The following PRKX variants were observed in gnomAD, a reference collection of about 807,000 sequenced individuals.
PRKX encodes cAMP-dependent protein kinase catalytic subunit PRKX.
A neutral mutation model predicts 22.0 loss-of-function variants in PRKX; 12 were observed. The ratio of observed to expected loss-of-function variants is 0.54; its 90% CI spans 0.35 to 0.88. The LOEUF (loss-of-function observed/expected upper bound fraction) is 0.88, where lower values mean the gene tolerates loss of function less well. PRKX is among the 40% of genes least tolerant of loss of function. The pLI, the probability that PRKX is intolerant of heterozygous loss-of-function variation, is 0.01. For missense variants in PRKX, 217 were observed against 308.0 expected (o/e 0.70, Z 2.21); for synonymous variants, 134 against 137.7 (o/e 0.97, Z 0.19).
At chrX:3,616,376 G>A (rs1926420728) in intron 6 of PRKX, among the ~76,000 whole-genome samples, 2 of 111,241 alleles carry the variant, frequency 1.8e-5, no homozygotes, top group African/African-American at 6.6e-5. Flanking sequence ...CCTTAGGAAC[G>A]ACATTGCACG....
rs1444519737 is a variant in PRKX at position 3,692,319 on chromosome X, A to T, written c.167-17553T>A. ...ATCAGCATCCACCCCCAGTAGTGAC[A>T]ACCACAACTGTCCCCAGACACTGTC... On this transcript the variant is annotated intron_variant, in intron 1 of 8. Transcript: ENST00000262848. Among the ~76,000 whole-genome samples the T allele has an allele frequency of 2.7e-5, 3 of 110,096 alleles. No individual in the cohort carries two copies. The East Asian group carries it at 8.7e-4, about 32-fold the overall frequency.
intron 1 of PRKX, among the ~76,000 whole-genome samples, chrX:3,675,032 T>C (rs1306414463): frequency 6.3e-5 from 7 of 111,794 alleles, no homozygotes; most frequent in East Asian, 2.8e-4. Context: ...CTCTGAATGG[T>C]TCCTCAATTT....
intron 4 of PRKX, among the ~76,000 whole-genome samples, chrX:3,638,564 C>G (rs1413405635): frequency 9.0e-6 from 1 of 111,494 alleles, no homozygotes; most frequent in African/African-American, 3.3e-5. Context: ...TTGGGTTTGC[C>G]TAGGACATAA....
intron 1 of PRKX, among the ~76,000 whole-genome samples, chrX:3,692,826 C>T (rs770039282): frequency 2.7e-5 from 3 of 111,471 alleles, no homozygotes; most frequent in South Asian, 3.8e-4. Flanking sequence ...GGCGCCAGGT[C>T]GTAAGCAACT....
intron 2 of PRKX, among the ~76,000 whole-genome samples, chrX:3,661,596 G>GA (rs11408481): frequency 0.37 from 35,716 of 97,451 alleles, 5,361 homozygotes; most frequent in Middle Eastern, 0.5. Context: ...ACCCTATCTG[G>GA]AAAAAAAAAA....
chrX:3,704,697 C>A (rs951007124), intron 1 of PRKX, among the ~76,000 whole-genome samples: 63 of 111,373 alleles, frequency 5.7e-4, no homozygotes, highest in African/African-American at 2.0e-3. Context: ...GTATTTGTCT[C>A]TCTGTGCCTG....
At chrX:3,704,407 G>C (rs1338449422) in intron 1 of PRKX, among the ~76,000 whole-genome samples, 1 of 112,056 alleles carries the variant, frequency 8.9e-6, no homozygotes, top group African/African-American at 3.2e-5. Context: ...GCTCACGCCT[G>C]TAATCCCAGC....
intron 1 of PRKX, among the ~76,000 whole-genome samples, chrX:3,710,258 C>T (rs1186120415): frequency 9.8e-5 from 11 of 111,852 alleles, no homozygotes; most frequent in African/African-American, 1.3e-4. Context: ...TTAGACCAGA[C>T]GTACTCCAGA....
chrX:3,674,314 C>T (rs1017734847), intron 2 of PRKX, among the ~76,000 whole-genome samples: 9 of 111,620 alleles, frequency 8.1e-5, no homozygotes, highest in Admixed American at 2.9e-4. Flanking sequence ...CATCCTTTTC[C>T]GGGCAGAGAT....
intron 3 of PRKX, among the ~76,000 whole-genome samples, chrX:3,652,319 G>A (rs943406673): frequency 2.7e-5 from 3 of 110,434 alleles, no homozygotes; most frequent in African/African-American, 6.6e-5. Flanking sequence ...TTGGGGGGCT[G>A]AGGCAGGAGA....
At chrX:3,634,785 G>A (rs771202280) in intron 4 of PRKX, among the ~76,000 whole-genome samples, 3 of 111,988 alleles carry the variant, frequency 2.7e-5, no homozygotes, top group Middle Eastern at 4.2e-3. Flanking sequence ...TGACCTCCCA[G>A]CCTCAGTGAT....
At chrX:3,653,747 A>T (rs6641597) in intron 3 of PRKX, among the ~76,000 whole-genome samples, 21 of 59,549 alleles carry the variant, frequency 3.5e-4, no homozygotes, top group South Asian at 9.6e-4. Flanking sequence ...TAATATATAT[A>T]ATATACTATG....
intron 4 of PRKX, among the ~76,000 whole-genome samples, chrX:3,630,770 G>C (rs1926764663): frequency 9.0e-6 from 1 of 110,881 alleles, no homozygotes; most frequent in South Asian, 3.9e-4. Flanking sequence ...ACTGTACTAG[G>C]GCAATGTTGC....
chrX:3,708,512 C>T (rs935539388), intron 1 of PRKX, among the ~76,000 whole-genome samples: 3 of 109,938 alleles, frequency 2.7e-5, no homozygotes, highest in Admixed American at 9.8e-5. Context: ...TGAAGATCTC[C>T]TAGCTCTTAA....
intron 1 of PRKX, among the ~76,000 whole-genome samples, chrX:3,701,150 T>C (rs1928561169): frequency 9.1e-6 from 1 of 110,383 alleles, no homozygotes; most frequent in Non-Finnish European, 1.9e-5. Flanking sequence ...GCTCTGTCAC[T>C]AAGGCTGGAG....
chrX:3,643,097 T>G (rs1927116576), intron 3 of PRKX, among the ~76,000 whole-genome samples: 1 of 84,323 alleles, frequency 1.2e-5, no homozygotes, highest in Non-Finnish European at 2.1e-5. Flanking sequence ...GTATGTTCTC[T>G]TTGGCTCTTT....
intron 3 of PRKX, among the ~76,000 whole-genome samples, chrX:3,644,234 C>CAA (rs35016428): frequency 2.2e-4 from 10 of 45,066 alleles, no homozygotes; most frequent in Non-Finnish European, 2.6e-4. Flanking sequence ...CACTCCTTTA[C>CAA]AAAAAAAAAA....
intron 4 of PRKX, among the ~76,000 whole-genome samples, chrX:3,637,353 G>A (rs1926913205): frequency 9.0e-6 from 1 of 111,449 alleles, no homozygotes; most frequent in Non-Finnish European, 1.9e-5. Flanking sequence ...CAACAAGCGG[G>A]CTCCCAGGGA....
At chrX:3,652,682 T>G (rs1482190966) in intron 3 of PRKX, among the ~76,000 whole-genome samples, 2 of 112,275 alleles carry the variant, frequency 1.8e-5, no homozygotes, top group African/African-American at 6.5e-5. Flanking sequence ...TGTTCCAGGC[T>G]GAAATGTATC....
Sources: allele counts gnomAD v4.1 joint callset (sites outside exome capture counted in the v4.1 genomes callset), GRCh38; gene constraint gnomAD v4.1.1; transcripts MANE v1.5; gene names NCBI Gene and HGNC (gene_info 2026-07-23, HGNC 2026-07-21).